The following FRMD4A variants were observed in gnomAD, a reference collection of about 807,000 sequenced individuals.
FRMD4A encodes FERM domain containing 4A.
In FRMD4A, 29 loss-of-function variants were observed where a neutral mutation model predicts 129.1. The observed-to-expected ratio is 0.22, with a 90% CI of 0.17 to 0.31. The LOEUF is 0.31. Ranked by LOEUF, FRMD4A falls within the 10% of genes least tolerant of loss-of-function variation. FRMD4A has a pLI of 1.00. For synonymous variants in FRMD4A, 634 were observed against 571.6 expected (o/e 1.11, Z -1.56); for missense variants, 1,272 against 1,375.8 (o/e 0.92, Z 1.19).
intron 8 of FRMD4A, among the ~76,000 whole-genome samples, chr10:13,759,082 A>C (rs2091969405): frequency 6.6e-6 from 1 of 152,188 alleles, no homozygotes; most frequent in Non-Finnish European, 1.5e-5. Flanking sequence ...TGCTACAGAA[A>C]AAGGGTGTTT....
chr10:14,075,958 C>T (rs915076888), intron 2 of FRMD4A, among the ~76,000 whole-genome samples: 4 of 152,174 alleles, frequency 2.6e-5, no homozygotes, highest in Non-Finnish European at 5.9e-5. Flanking sequence ...TGGCCTAACT[C>T]TCATGTTCAT....
At chr10:14,018,404 C>T (rs773490486) in intron 2 of FRMD4A, among the ~76,000 whole-genome samples, 28 of 135,000 alleles carry the variant, frequency 2.1e-4, no homozygotes, top group Non-Finnish European at 2.7e-4. Context: ...TGCAGTGAGC[C>T]GAGGTCGTGC....
intron 3 of FRMD4A, among the ~76,000 whole-genome samples, chr10:13,857,009 T>C (rs1188511424): frequency 6.6e-6 from 1 of 152,140 alleles, no homozygotes; most frequent in Non-Finnish European, 1.5e-5. Flanking sequence ...ATTCTGCTAA[T>C]TAACGAGATC....
intron 2 of FRMD4A, among the ~76,000 whole-genome samples, chr10:14,237,595 T>C (rs1032547164): frequency 6.6e-6 from 1 of 152,188 alleles, no homozygotes; most frequent in Admixed American, 6.5e-5. Context: ...ACTCCAAAAG[T>C]GCTCGGATTA....
At chr10:14,048,024 T>C (rs1834063502) in intron 2 of FRMD4A, among the ~76,000 whole-genome samples, 1 of 152,108 alleles carries the variant, frequency 6.6e-6, no homozygotes, top group Non-Finnish European at 1.5e-5. Flanking sequence ...CAATAAAAAA[T>C]AGATATCATT....
chr10:13,982,779 G>T (rs994891899), intron 2 of FRMD4A, among the ~76,000 whole-genome samples: 7 of 152,240 alleles, frequency 4.6e-5, no homozygotes, highest in South Asian at 2.1e-4. Flanking sequence ...CTCCTGTGTC[G>T]CATAAAAGTA....
At chr10:13,661,344 T>C (rs2082626387) in intron 19 of FRMD4A, among the ~76,000 whole-genome samples, 1 of 151,914 alleles carries the variant, frequency 6.6e-6, no homozygotes, top group Non-Finnish European at 1.5e-5. Flanking sequence ...GCTTGAGCAG[T>C]GGGCAGGCAA....
intron 2 of FRMD4A, among the ~76,000 whole-genome samples, chr10:14,141,346 G>T (rs542282927): frequency 4.1e-4 from 62 of 152,222 alleles, no homozygotes; most frequent in African/African-American, 1.3e-3. Context: ...AGAAAATGAG[G>T]CTCTAACAGC....
chr10:13,699,368 C>A (rs1186670365), intron 14 of FRMD4A, among the ~76,000 whole-genome samples: 5 of 151,758 alleles, frequency 3.3e-5, no homozygotes, highest in Admixed American at 3.3e-4. Context: ...TGAGCCATGG[C>A]GGCCGGCCAA....
intron 2 of FRMD4A, among the ~76,000 whole-genome samples, chr10:14,265,900 T>G (rs1175257265): frequency 6.6e-6 from 1 of 152,162 alleles, no homozygotes; most frequent in Admixed American, 6.5e-5. Context: ...ACACCCTCTT[T>G]GTGTTGGGCA....
chr10:14,055,015 G>C (rs1036408906), intron 2 of FRMD4A, among the ~76,000 whole-genome samples: 2 of 152,106 alleles, frequency 1.3e-5, no homozygotes, highest in Non-Finnish European at 2.9e-5. Flanking sequence ...ATAGCAGTGT[G>C]AGAATGGACG....
intron 17 of FRMD4A, chr10:13,667,360 C>T (rs929253375): frequency 4.6e-5 from 6 of 131,374 alleles, no homozygotes; most frequent in Non-Finnish European, 8.5e-5. Flanking sequence ...ACCCCCCCAG[C>T]TCACTTGATG....
chr10:13,685,481 T>C, intron 15 of FRMD4A: 1 of 985,074 alleles, frequency 1.0e-6, no homozygotes, highest in South Asian at 4.7e-5. Context: ...GGCTGTGAAA[T>C]GAGGGAGCTG....
rs916962074 is a variant in FRMD4A, at chr10:13,848,494, C to T, written c.111+10353G>A. Among the ~76,000 whole-genome samples the T allele has an allele frequency of 2.6e-5, 4 of 151,260 alleles. No individual in the cohort carries two copies. In the South Asian group the frequency reaches 6.3e-4, roughly 24 times the overall value. Reference sequence around the variant, plus strand: ...GGAAGAAGGGGGAGGGGGGCAGGGGCGCAAAGAAGGGGTGTTGCCAGGCAA... The same window carrying T: ...GGAAGAAGGGGGAGGGGGGCAGGGGTGCAAAGAAGGGGTGTTGCCAGGCAA... On this transcript the variant is annotated intron_variant, in intron 3 of 24. Transcript: ENST00000357447.
At chr10:13,762,786 G>A in intron 6 of FRMD4A, 106 bp from the exon 7 acceptor site, 3 of 727,876 alleles carry the variant, frequency 4.1e-6, no homozygotes, top group Non-Finnish European at 4.9e-6. Context: ...TTGAGCCCTG[G>A]AGTTTGAGAC....
At chr10:13,785,075 C>T (rs937193282) in intron 5 of FRMD4A, among the ~76,000 whole-genome samples, 8 of 151,814 alleles carry the variant, frequency 5.3e-5, no homozygotes, top group Non-Finnish European at 8.8e-5. Context: ...TAAAAACCCA[C>T]GTCTGTAGGC....
chr10:13,672,125 G>A (rs532319565), intron 16 of FRMD4A, among the ~76,000 whole-genome samples: 3 of 152,344 alleles, frequency 2.0e-5, no homozygotes, highest in East Asian at 1.9e-4. Flanking sequence ...ATGTGTACAC[G>A]TGACATGAGC....
chr10:14,240,074 A>C (rs1214845819), intron 2 of FRMD4A, among the ~76,000 whole-genome samples: 2 of 152,174 alleles, frequency 1.3e-5, no homozygotes, highest in African/African-American at 4.8e-5. Context: ...GCCTATTGAT[A>C]ATAGAGTCTA....
chr10:14,074,511 A>G (rs1835471502), intron 2 of FRMD4A: 1 of 152,264 alleles, frequency 6.6e-6, no homozygotes, highest in Non-Finnish European at 1.5e-5. Context: ...TGTGCTGAGC[A>G]GCAGGATTCC....
Sources: allele counts gnomAD v4.1 joint callset (sites outside exome capture counted in the v4.1 genomes callset), GRCh38; gene constraint gnomAD v4.1.1; transcripts MANE v1.5; gene names NCBI Gene and HGNC (gene_info 2026-07-23, HGNC 2026-07-21).